The following RUFY3 variants were observed in gnomAD, a reference collection of about 807,000 sequenced individuals.
RUFY3 encodes RUN and FYVE domain containing 3, also known as protein RUFY3.
Under a neutral mutation model 84.0 loss-of-function variants are expected in RUFY3, and 34 were observed. That is an observed-to-expected ratio of 0.40 (90% confidence interval 0.31 to 0.54). The LOEUF (loss-of-function observed/expected upper bound fraction) is 0.54, where lower values mean the gene tolerates loss of function less well. Among genes scored for constraint, RUFY3 ranks in the 20% least tolerant of loss-of-function variants. The pLI, the probability that RUFY3 is intolerant of heterozygous loss-of-function variation, is 0.39. For missense variants in RUFY3, 507 were observed against 736.8 expected (o/e 0.69, Z 3.61); for synonymous variants, 242 against 252.9 (o/e 0.96, Z 0.41).
Position 70,804,384 on chromosome 4 carries a change from C to T in RUFY3, c.1687C>T (p.Gln563Ter). The T allele has an allele frequency of 6.2e-7, 1 of 1,614,020 alleles. No homozygotes were observed. The highest frequency in any genetic ancestry group is 8.5e-7 in the Non-Finnish European group (1 of 1,179,978). Residue 563 changes from glutamine to a stop codon, truncating the protein, a stop_gained, in exon 17 of 18, where the codon CAG becomes TAG. Coordinates refer to ENST00000381006, the MANE Select transcript of RUFY3 (RefSeq NM_001037442.4). LOFTEE classifies it low-confidence loss of function (END_TRUNC). ...LLLSEKPQLCQLCQEDGSLTK... is the reference protein window; with the variant it reads ...LLLSEKPQLC ...GCTCTCTGAAAAGCCACAGTTGTGT[C>T]AGCTATGCCAGGAAGACGGCAGCCT...
chr4:70,722,795 T>TAACAATGAGGA, intron 1 of RUFY3, 44 bp downstream of exon 1: 1 of 1,577,622 alleles, frequency 6.3e-7, no homozygotes, highest in Non-Finnish European at 8.7e-7. Context: ...AGCATCCTCA[T>TAACAATGAGGA]TGTTATGGGG....
At chr4:70,755,884 G>A (rs562867538) in intron 1 of RUFY3, among the ~76,000 whole-genome samples, 13 of 151,484 alleles carry the variant, frequency 8.6e-5, no homozygotes, top group African/African-American at 3.2e-4. Flanking sequence ...CTGGGAGGCG[G>A]AACTTGCAGT....
intron 6 of RUFY3, 123 bp from the exon 7 acceptor site, chr4:70,775,045 T>G: frequency 1.7e-6 from 1 of 584,374 alleles, no homozygotes; most frequent in Non-Finnish European, 3.0e-6. Context: ...TGTCTTATGG[T>G]TCAGTGTATC....
rs1732960018 is a variant in RUFY3 at position 70,807,526 on chromosome 4, A to C, written c.*867A>C. Among the ~76,000 whole-genome samples the C allele has an allele frequency of 6.6e-6, 1 of 152,154 alleles. No individual in the cohort carries two copies. Among genetic ancestry groups the C allele is most frequent in the African/African-American group, 2.4e-5 (1 of 41,438 alleles). ...GTCAAATATAGAGTAAAATAAGTTT[A>C]ATTTGTTTTCTTAAGACAGGGTCTT... On this transcript the variant is annotated 3_prime_UTR_variant, in exon 18 of 18. Transcript: ENST00000381006.
chr4:70,781,882 G>C (rs1274928412), intron 8 of RUFY3, among the ~76,000 whole-genome samples: 1 of 152,168 alleles, frequency 6.6e-6, no homozygotes, highest in Non-Finnish European at 1.5e-5. Context: ...ACATTCTCCG[G>C]GAGTTTAGTA....
At chr4:70,722,960 A>C (rs988171202) in intron 1 of RUFY3, among the ~76,000 whole-genome samples, 1 of 152,294 alleles carries the variant, frequency 6.6e-6, no homozygotes, top group East Asian at 1.9e-4. Flanking sequence ...GTATCCTTTC[A>C]AAAGATGCTG....
chr4:70,704,717 C>T, upstream of RUFY3: 1 of 313,966 alleles, frequency 3.2e-6, no homozygotes, highest in Admixed American at 5.1e-5. Flanking sequence ...GAGGCCGCGC[C>T]GTCGGGCGGG....
At chr4:70,799,059 C>T (rs1232808408) in intron 14 of RUFY3, among the ~76,000 whole-genome samples, 3 of 144,582 alleles carry the variant, frequency 2.1e-5, no homozygotes, top group African/African-American at 7.8e-5. Context: ...GCAGGAGACT[C>T]GCTTGAAACC....
At chr4:70,783,772 T>C (rs1729318999) in intron 9 of RUFY3, among the ~76,000 whole-genome samples, 1 of 152,216 alleles carries the variant, frequency 6.6e-6, no homozygotes, top group South Asian at 2.1e-4. Context: ...AGTGCCACTT[T>C]AGGAGGCTAT....
chr4:70,807,347 A>G lies in RUFY3; in HGVS notation c.*688A>G, dbSNP rs1162531283. The G allele has an allele frequency of 6.6e-6, 1 of 152,208 alleles. No homozygotes were observed. The highest frequency in any genetic ancestry group is 2.4e-5 in the African/African-American group (1 of 41,458). 9.4% of individuals were successfully genotyped at this position (152,208 alleles called of 1,614,324 possible). ...TTGTTTTTCTACTTTATGACTTCAA[A>G]GTAAATAACTGCCCTTTTCAGAATC... On this transcript the variant is annotated 3_prime_UTR_variant, in exon 18 of 18. Coordinates refer to ENST00000381006, the MANE Select transcript of RUFY3 (RefSeq NM_001037442.4).
chr4:70,801,784 A>G (rs1367715199), intron 15 of RUFY3, among the ~76,000 whole-genome samples: 2 of 152,108 alleles, frequency 1.3e-5, no homozygotes, highest in Non-Finnish European at 2.9e-5. Context: ...TTAAACTATC[A>G]CCCATCTCAC....
Position 70,784,825 on chromosome 4 carries a change from G to A in RUFY3, c.1017G>A (p.Gly339=). The change falls in exon 10 of 18, where the codon GGG becomes GGA. Residue 339 remains glycine, a synonymous_variant. Transcript: ENST00000381006. ...CCAAGCAAGACAGAACTGCAGAAGG[G>A]CAAGCACTAAGTGAAGCAAGAAAGC... ...KGPKQDRTAE[G]QALSEARKHL... is the part of the protein sequence containing the mutation. 1.2e-6 allele frequency: 2 copies of A among 1,606,170 alleles called. No homozygotes were observed. Among genetic ancestry groups the A allele is most frequent in the Non-Finnish European group, 8.5e-7 (1 of 1,176,824 alleles).
At chr4:70,731,117 A>G (rs1194274746) in intron 1 of RUFY3, among the ~76,000 whole-genome samples, 1 of 150,634 alleles carries the variant, frequency 6.6e-6, no homozygotes, top group East Asian at 2.0e-4. Context: ...GGCTCACTGC[A>G]ACCTCCGCCT....
intron 1 of RUFY3, among the ~76,000 whole-genome samples, chr4:70,755,674 G>A (rs1198583291): frequency 6.6e-6 from 1 of 152,128 alleles, no homozygotes; most frequent in African/African-American, 2.4e-5. Context: ...CATTGAGGTC[G>A]GGTACGGTGG....
intron 5 of RUFY3, 131 bp from the exon 6 acceptor site, chr4:70,773,380 C>T (rs1727312066): frequency 1.6e-6 from 1 of 625,918 alleles, no homozygotes; most frequent in Non-Finnish European, 2.9e-6. Flanking sequence ...TAAAACAGTA[C>T]ATTTTTAATC....
intron 12 of RUFY3, chr4:70,789,964 T>C: frequency 2.2e-6 from 2 of 903,270 alleles, no homozygotes; most frequent in Non-Finnish European, 2.7e-6. Flanking sequence ...CACTGAAGTC[T>C]TTGAATACTT....
chr4:70,789,048 A>G (rs1730377799), intron 11 of RUFY3, 75 bp downstream of exon 11: 3 of 1,541,164 alleles, frequency 1.9e-6, no homozygotes, highest in Non-Finnish European at 2.6e-6. Flanking sequence ...CTGATCCTCC[A>G]GAATCACACT....
intron 1 of RUFY3, among the ~76,000 whole-genome samples, chr4:70,716,065 G>T (rs2148570742): frequency 6.6e-6 from 1 of 152,068 alleles, no homozygotes; most frequent in Admixed American, 6.5e-5. Flanking sequence ...AATGAGCCGA[G>T]ATCGTGCCAC....
At chr4:70,800,533 C>T (rs1732090492) in intron 15 of RUFY3, among the ~76,000 whole-genome samples, 1 of 152,172 alleles carries the variant, frequency 6.6e-6, no homozygotes, top group South Asian at 2.1e-4. Flanking sequence ...TCATACATAG[C>T]ATTTCTTAAC....
Sources: gnomAD v4.1 joint callset for allele counts (sites outside exome capture counted in the v4.1 genomes callset) on GRCh38, gnomAD v4.1.1 for gene constraint, MANE v1.5 for transcripts, NCBI Gene and HGNC (gene_info 2026-07-23, HGNC 2026-07-21) for gene names.